The following FHIT variants were observed in gnomAD, a reference collection of about 807,000 sequenced individuals.
The protein encoded by FHIT is fragile histidine triad diadenosine triphosphatase.
Under a neutral mutation model 17.9 loss-of-function variants are expected in FHIT, and 19 were observed. The ratio of observed to expected loss-of-function variants is 1.06; its 90% CI spans 0.74 to 1.56. The LOEUF is 1.56. FHIT is among the 40% of genes most tolerant of loss of function. The probability of loss-of-function intolerance (pLI) is 0.00; values close to 1 mark genes in which losing one functional copy is unlikely to be tolerated. For synonymous variants in FHIT, 81 were observed against 69.7 expected, an observed-to-expected ratio of 1.16 and a Z score of -0.81; for missense variants, 248 against 189.2, an observed-to-expected ratio of 1.31 and a Z score of -1.82.
At chr3:60,532,191 T>C (rs1395686594) in intron 5 of FHIT, among the ~76,000 whole-genome samples, 1 of 152,198 alleles carries the variant, frequency 6.6e-6, no homozygotes, top group Non-Finnish European at 1.5e-5. Context: ...ACACACCCTA[T>C]TCAATTCATC....
At chr3:61,032,013 T>C (rs1218041580) in intron 3 of FHIT, among the ~76,000 whole-genome samples, 4 of 152,248 alleles carry the variant, frequency 2.6e-5, no homozygotes, top group Admixed American at 2.0e-4. Context: ...TTTTAAAGCA[T>C]CTGGGCATAG....
intron 4 of FHIT, among the ~76,000 whole-genome samples, chr3:60,674,597 T>A (rs1553694788): frequency 1.3e-5 from 2 of 152,188 alleles, no homozygotes; most frequent in African/African-American, 4.8e-5. Flanking sequence ...TTAGAACTGG[T>A]CTAGTTCAAA....
chr3:59,948,348 C>CAA lies in FHIT; in HGVS notation c.280-25936_280-25935dup, dbSNP rs35941668. ...TGAAACCCCGTCTCCACTAAAAATA[C>CAA]AAAAAAAAAAAAAAAAAAATTAGCC... On this transcript the variant is annotated intron_variant, in intron 7 of 9. Transcript: ENST00000492590. Among the ~76,000 whole-genome samples the CAA allele has an allele frequency of 2.4e-3, 281 of 116,396 alleles. 1 individual carries two copies. The highest frequency in any genetic ancestry group is 8.2e-3 in the African/African-American group (245 of 29,790). The allele number at this position is 116,396 out of a possible 152,430, so 76.4% of individuals were successfully genotyped here.
intron 5 of FHIT, among the ~76,000 whole-genome samples, chr3:60,117,703 G>A (rs566698363): frequency 3.5e-4 from 54 of 152,150 alleles, no homozygotes; most frequent in African/African-American, 1.2e-3. Flanking sequence ...GAACAGACGC[G>A]CAGAGAATGC....
At chr3:60,063,746 A>G (rs1184995133) in intron 5 of FHIT, among the ~76,000 whole-genome samples, 1 of 152,224 alleles carries the variant, frequency 6.6e-6, no homozygotes, top group Non-Finnish European at 1.5e-5. Context: ...CCCTACAGAT[A>G]TACTTCCAAA....
At chr3:60,173,228 C>T (rs914726300) in intron 5 of FHIT, among the ~76,000 whole-genome samples, 2 of 152,150 alleles carry the variant, frequency 1.3e-5, no homozygotes, top group Non-Finnish European at 2.9e-5. Flanking sequence ...AGCAGGGACC[C>T]ACCATTCCCA....
chr3:60,514,953 T>C (rs1215230495), intron 5 of FHIT, among the ~76,000 whole-genome samples: 1 of 151,758 alleles, frequency 6.6e-6, no homozygotes, highest in East Asian at 1.9e-4. Context: ...GGCTGTAATC[T>C]GTCACAAGAG....
chr3:60,464,556 C>A (rs999398328), intron 5 of FHIT, among the ~76,000 whole-genome samples: 2 of 152,074 alleles, frequency 1.3e-5, no homozygotes, highest in South Asian at 2.1e-4. Flanking sequence ...TCTCTCTTTC[C>A]GTGAGCTCAG....
At chr3:60,777,641 A>G (rs1212556217) in intron 4 of FHIT, among the ~76,000 whole-genome samples, 1 of 152,224 alleles carries the variant, frequency 6.6e-6, no homozygotes, top group Non-Finnish European at 1.5e-5. Context: ...TAAAATGTGG[A>G]TTTTTCCCAC....
intron 5 of FHIT, among the ~76,000 whole-genome samples, chr3:60,127,611 A>T (rs959816997): frequency 6.6e-6 from 1 of 151,954 alleles, no homozygotes; most frequent in Non-Finnish European, 1.5e-5. Flanking sequence ...TTTTATATCT[A>T]TTTTTTTGGA....
At chr3:60,609,337 T>A (rs1041410264) in intron 4 of FHIT, among the ~76,000 whole-genome samples, 1 of 152,172 alleles carries the variant, frequency 6.6e-6, no homozygotes, top group South Asian at 2.1e-4. Flanking sequence ...TTATTTATTT[T>A]TTTTTTGAGA....
intron 4 of FHIT, among the ~76,000 whole-genome samples, chr3:60,746,893 G>T (rs1189865856): frequency 6.6e-6 from 1 of 152,066 alleles, no homozygotes; most frequent in East Asian, 1.9e-4. Context: ...CTTGCCAAAT[G>T]GAGTTTCCTT....
chr3:60,513,948 C>T (rs1354560460), intron 5 of FHIT, among the ~76,000 whole-genome samples: 5 of 152,146 alleles, frequency 3.3e-5, no homozygotes, highest in South Asian at 2.1e-4. Context: ...AGTGTCTGAA[C>T]GTGGAGAGGA....
chr3:59,952,735 G>A (rs1048955980), intron 7 of FHIT, among the ~76,000 whole-genome samples: 4 of 152,126 alleles, frequency 2.6e-5, no homozygotes, highest in African/African-American at 9.7e-5. Flanking sequence ...TCTTTTTCTT[G>A]GAACCAAGCG....
chr3:60,196,485 A>G (rs1702645128), intron 5 of FHIT, among the ~76,000 whole-genome samples: 1 of 152,160 alleles, frequency 6.6e-6, no homozygotes, highest in Non-Finnish European at 1.5e-5. Flanking sequence ...ATAATACCAG[A>G]TAATCCCCCT....
intron 5 of FHIT, among the ~76,000 whole-genome samples, chr3:60,307,362 T>G (rs573267873): frequency 1.3e-5 from 2 of 152,286 alleles, no homozygotes; most frequent in East Asian, 3.9e-4. Flanking sequence ...AAGAAATGTC[T>G]GTAATACTTC....
intron 8 of FHIT, among the ~76,000 whole-genome samples, chr3:59,814,513 A>G (rs1386885935): frequency 6.6e-6 from 1 of 152,244 alleles, no homozygotes; most frequent in Non-Finnish European, 1.5e-5. Context: ...TTCATGCTTT[A>G]GCACACATAA....
At chr3:60,786,818 A>G (rs1288481812) in intron 4 of FHIT, among the ~76,000 whole-genome samples, 6 of 152,138 alleles carry the variant, frequency 3.9e-5, no homozygotes, top group African/African-American at 1.4e-4. Context: ...GAATGAATGA[A>G]TGGGCTGATT....
intron 7 of FHIT, among the ~76,000 whole-genome samples, chr3:59,951,111 G>T (rs1473060256): frequency 6.6e-6 from 1 of 152,172 alleles, no homozygotes; most frequent in Non-Finnish European, 1.5e-5. Context: ...TATGTGTTAT[G>T]CATGGAAACA....
Sources: gnomAD v4.1 joint callset for allele counts (sites outside exome capture counted in the v4.1 genomes callset) on GRCh38, gnomAD v4.1.1 for gene constraint, MANE v1.5 for transcripts, NCBI Gene and HGNC (gene_info 2026-07-23, HGNC 2026-07-21) for gene names.